Variants in NEDD1 observed in about 807,000 individuals in gnomAD.
The protein encoded by NEDD1 is protein NEDD1.
Under a neutral mutation model 74.0 loss-of-function variants are expected in NEDD1, and 33 were observed. The ratio of observed to expected loss-of-function variants is 0.45; its 90% CI spans 0.34 to 0.60. The LOEUF is 0.60. Among genes scored for constraint, NEDD1 ranks in the 20% least tolerant of loss-of-function variants. The pLI is 0.01. For synonymous variants in NEDD1, 250 were observed against 264.4 expected, an observed-to-expected ratio of 0.95 and a Z score of 0.53; for missense variants, 746 against 776.5, an observed-to-expected ratio of 0.96 and a Z score of 0.47.
rs756920664 is a variant in NEDD1, at chr12:96,943,670, C to A, written c.1405C>A (p.Pro469Thr). 6.2e-7 allele frequency: 1 copy of A among 1,611,348 alleles called. No individual in the cohort carries two copies. Among genetic ancestry groups the A allele is most frequent in the African/African-American group, 1.3e-5 (1 of 74,892 alleles). Reference protein sequence around the residue: ...SSPLNVFMGSPGKEENENRDL... With the variant: ...SSPLNVFMGSTGKEENENRDL... ...TCCTCTTAATGTTTTTATGGGATCTCCAGGGAAAGAGGAAAATGAAAACCG... is the reference window on the plus strand; with the variant it reads ...TCCTCTTAATGTTTTTATGGGATCTACAGGGAAAGAGGAAAATGAAAACCG... The change falls in exon 12 of 16, where the codon CCA becomes ACA. Residue 469 changes from proline (P) to threonine (T), a missense_variant. By Grantham distance (38) the Pro-to-Thr change is conservative. This residue lies in a region of NEDD1 where 706 missense variants were observed against 706.7 expected (regional missense o/e 1.00). Coordinates refer to ENST00000266742, the MANE Select transcript of NEDD1 (RefSeq NM_152905.4).
chr12:96,924,348 C>T, intron 6 of NEDD1, among the ~76,000 whole-genome samples: 1 of 152,136 alleles, frequency 6.6e-6, no homozygotes, highest in South Asian at 2.1e-4. Context: ...CCATTTCTAA[C>T]AAAAAATCTG....
In NEDD1 at chr12:96,907,548, C is replaced by T. The variant is rs1276297171; in HGVS notation, c.-261-56C>T. On this transcript the variant is annotated intron_variant, in intron 1 of 15. Coordinates refer to ENST00000266742, the MANE Select transcript of NEDD1 (RefSeq NM_152905.4). ...TGTGCTGCCTCCGAAAAGTTTGCCTCGTCTCCACAAGTCTGTCTCCTTTTT... is the reference window on the plus strand; with the variant it reads ...TGTGCTGCCTCCGAAAAGTTTGCCTTGTCTCCACAAGTCTGTCTCCTTTTT... 1.1e-5 allele frequency: 16 copies of T among 1,491,696 alleles called. No homozygotes were observed. The East Asian group carries it at 3.9e-4, about 37-fold the overall frequency. 92.4% of individuals were successfully genotyped at this position (1,491,696 alleles called of 1,614,324 possible). A position where few individuals can be genotyped will look rare whatever the true frequency, so the allele number is the denominator to read the frequency against.
intron 6 of NEDD1, among the ~76,000 whole-genome samples, chr12:96,925,518 G>C (rs1192222295): frequency 6.6e-6 from 1 of 152,142 alleles, no homozygotes; most frequent in Non-Finnish European, 1.5e-5. Context: ...TTCAGAAGTG[G>C]TAGCATTTTC....
chr12:96,935,024 A>G lies in NEDD1; in HGVS notation c.538A>G (p.Ser180Gly). The G allele has an allele frequency of 1.2e-6, 2 of 1,612,362 alleles. No individual in the cohort carries two copies. Among genetic ancestry groups the G allele is most frequent in the Non-Finnish European group, 1.7e-6 (2 of 1,178,374 alleles). ...YSLFKKSLLGSVSDNGIVTLW... is the reference protein window; with the variant it reads ...YSLFKKSLLGGVSDNGIVTLW... ...CTTGTTTAAGAAATCACTACTGGGC[A>G]GTGTTTCGGATAATGGAATAGTAAC... Residue 180 changes from serine to glycine, a missense_variant, in exon 7 of 16, where the codon AGT (serine) becomes GGT (glycine). Ser to Gly is a moderately conservative substitution (Grantham distance 56, BLOSUM62 0). Around this residue, in one of 3 missense-constraint regions of NEDD1, gnomAD observed 706 missense variants for 706.7 expected, o/e 1.00. Coordinates refer to ENST00000266742, the MANE Select transcript of NEDD1 (RefSeq NM_152905.4).
intron 6 of NEDD1, chr12:96,924,776 TTTC>T (rs1846111842): frequency 2.3e-6 from 1 of 428,180 alleles, no homozygotes; most frequent in Admixed American, 2.7e-5. Flanking sequence ...TAAGTTTTTA[TTTC>T]TTATTTCCTA....
rs1190008289 is a variant in NEDD1, at chr12:96,953,221, A to C, written c.*1168A>C. On this transcript the variant is annotated 3_prime_UTR_variant, in exon 16 of 16. Transcript: ENST00000266742. The stretch of plus-strand genomic sequence containing the variant: ...TATTTACTAAAATTAAAAAAAAAAA[A>C]ACAAAAAACAAACCTTTAGCTCACT... 3 of 151,288 alleles carry C rather than the reference A, an allele frequency of 2.0e-5. No individual in the cohort carries two copies. The highest frequency in any genetic ancestry group is 3.0e-5 in the Non-Finnish European group (2 of 67,592). The allele number at this position is 151,288 out of a possible 1,614,324, so 9.4% of individuals were successfully genotyped here. A position where few individuals can be genotyped will look rare whatever the true frequency, so the allele number is the denominator to read the frequency against.
At chr12:96,929,085 A>AT (rs1291542856) in intron 6 of NEDD1, among the ~76,000 whole-genome samples, 6 of 150,640 alleles carry the variant, frequency 4.0e-5, no homozygotes, top group Non-Finnish European at 8.9e-5. Context: ...CTCTCTTTGG[A>AT]TTTTTTGTTG....
chr12:96,912,598 T>C, intron 3 of NEDD1, 125 bp from the exon 4 acceptor site: 1 of 519,910 alleles, frequency 1.9e-6, no homozygotes, highest in Non-Finnish European at 3.5e-6. Flanking sequence ...TTTTGAAAGC[T>C]ACTCTGTAAG....
chr12:96,907,776 G>A lies in NEDD1; in HGVS notation c.-89G>A, dbSNP rs866200431. ...GGCCGACGTTACCGCCTTGTGTCCT[G>A]ACTGCTAGCTTTCGACGGGACCGTC... is the stretch of plus-strand genomic sequence containing the variant. On this transcript the variant is annotated 5_prime_UTR_variant, in exon 2 of 16. Transcript: ENST00000266742. The A allele has an allele frequency of 1.1e-5, 17 of 1,517,128 alleles. No individual in the cohort carries two copies. In the African/African-American group the frequency reaches 1.9e-4, roughly 17 times the overall value. 94.0% of individuals were successfully genotyped at this position (1,517,128 alleles called of 1,614,324 possible). A position where few individuals can be genotyped will look rare whatever the true frequency, so the allele number is the denominator to read the frequency against.
At position 96,940,509 on chromosome 12, in the gene NEDD1, A is replaced by C. The variant is rs1051173795; in HGVS notation, c.1218A>C (p.Leu406Phe). 1.4e-5 allele frequency: 23 copies of C among 1,606,420 alleles called. No individual in the cohort carries two copies. Among genetic ancestry groups the C allele is most frequent in the African/African-American group, 2.7e-5 (2 of 74,698 alleles). The change falls in exon 10 of 16, where the codon TTA becomes TTC. Residue 406 changes from leucine to phenylalanine, a missense_variant. Leu to Phe is a conservative substitution (Grantham distance 22). Around this residue, in one of 3 missense-constraint regions of NEDD1, gnomAD observed 706 missense variants for 706.7 expected, o/e 1.00. Coordinates refer to ENST00000266742, the MANE Select transcript of NEDD1 (RefSeq NM_152905.4). Reference protein sequence around the residue: ...SSFDDTGKSSLGDMFSPIRDD... With the variant: ...SSFDDTGKSSFGDMFSPIRDD... ...TTGATGATACTGGGAAAAGTAGTTT[A>C]GGTGACATGTTCTCACCTATCAGAG...
intron 5 of NEDD1, among the ~76,000 whole-genome samples, chr12:96,918,143 A>C (rs1264625066): frequency 6.6e-6 from 1 of 151,238 alleles, no homozygotes. Context: ...TTAGTTATGT[A>C]GTATATTTGG....
At chr12:96,922,915 G>C (rs959293695) in intron 6 of NEDD1, among the ~76,000 whole-genome samples, 5 of 152,084 alleles carry the variant, frequency 3.3e-5, no homozygotes, top group African/African-American at 4.8e-5. Flanking sequence ...AGGAGTTCAA[G>C]ACCACCTTGG....
chr12:96,917,964 T>C (rs1005018166), intron 5 of NEDD1, among the ~76,000 whole-genome samples: 20 of 152,156 alleles, frequency 1.3e-4, no homozygotes, highest in Non-Finnish European at 1.0e-4. Flanking sequence ...ACAACTTTTT[T>C]CTTGTTTTTT....
In NEDD1 at chr12:96,940,431, A is replaced by C. The variant is rs867288872; in HGVS notation, c.1140A>C (p.Thr380=). 5.0e-6 allele frequency: 8 copies of C among 1,598,408 alleles called. 2 individuals carry two copies. In the Middle Eastern group the frequency reaches 1.3e-3, roughly 266 times the overall value. Residue 380 remains threonine (T), a synonymous_variant, in exon 10 of 16, where the codon ACA becomes ACC. Coordinates refer to ENST00000266742, the MANE Select transcript of NEDD1 (RefSeq NM_152905.4). ...AAGGTTTGCCTCGAAGCATAAACAC[A>C]GACACTTTATCTAAGGAAACAGACA... is the stretch of plus-strand genomic sequence containing the variant. ...EKAGLPRSIN[T]DTLSKETDSG... is the part of the protein sequence containing the mutation.
chr12:96,944,118 A>G (rs886379004), intron 12 of NEDD1, among the ~76,000 whole-genome samples: 2 of 152,050 alleles, frequency 1.3e-5, no homozygotes, highest in African/African-American at 2.4e-5. Context: ...GGAATTTATC[A>G]TTGTTACTTT....
intron 6 of NEDD1, among the ~76,000 whole-genome samples, chr12:96,923,783 C>T (rs1473579248): frequency 1.3e-5 from 1 of 78,300 alleles, no homozygotes; most frequent in East Asian, 4.5e-4. Flanking sequence ...CTCCTTAATA[C>T]CTGTTTGTGT....
At chr12:96,921,662 A>ATTTT (rs57918937) in intron 6 of NEDD1, among the ~76,000 whole-genome samples, 5 of 149,262 alleles carry the variant, frequency 3.3e-5, no homozygotes, top group African/African-American at 9.8e-5. Context: ...TAGAAGAGGG[A>ATTTT]TTTTTTTTTT....
At chr12:96,936,885 G>T in intron 8 of NEDD1, 73 bp downstream of exon 8, 1 of 910,272 alleles carries the variant, frequency 1.1e-6, no homozygotes, top group South Asian at 1.6e-5. Flanking sequence ...ATTATATGTG[G>T]TCAATTAAAC....
intron 5 of NEDD1, 30 bp downstream of exon 5, chr12:96,917,767 A>G (rs776705022): frequency 1.3e-6 from 2 of 1,536,594 alleles, no homozygotes; most frequent in Non-Finnish European, 8.7e-7. Context: ...TCTTCATGAA[A>G]AAATGGATAT....
Sources: allele counts gnomAD v4.1 joint callset (sites outside exome capture counted in the v4.1 genomes callset), GRCh38; gene constraint gnomAD v4.1.1; regional missense constraint gnomAD v4.1.1; transcripts MANE v1.5; gene names NCBI Gene and HGNC (gene_info 2026-07-23, HGNC 2026-07-21).